Variants in IL1RAPL2 observed in about 807,000 individuals in gnomAD.
The protein encoded by IL1RAPL2 is interleukin 1 receptor accessory protein like 2, also known as X-linked interleukin-1 receptor accessory protein-like 2.
IL1RAPL2 carries 3 observed loss-of-function variants against 44.1 expected under a neutral mutation model. The ratio of observed to expected loss-of-function variants is 0.07; its 90% CI spans 0.03 to 0.18. The LOEUF (loss-of-function observed/expected upper bound fraction) is 0.18, where lower values mean the gene tolerates loss of function less well. Ranked by LOEUF, IL1RAPL2 falls within the 10% of genes least tolerant of loss-of-function variation. The probability of loss-of-function intolerance (pLI) is 1.00; values close to 1 mark genes in which losing one functional copy is unlikely to be tolerated. For missense variants in IL1RAPL2, 391 were observed against 496.4 expected (o/e 0.79, Z 2.02); for synonymous variants, 181 against 178.8 (o/e 1.01, Z -0.10).
At chrX:105,653,978 AACAC>A (rs767662311) in intron 6 of IL1RAPL2, among the ~76,000 whole-genome samples, 9 of 109,648 alleles carry the variant, frequency 8.2e-5, no homozygotes, top group East Asian at 5.9e-4. Flanking sequence ...CACACACACA[AACAC>A]ACACACACAC....
chrX:104,795,092 A>G (rs764376803), intron 2 of IL1RAPL2, among the ~76,000 whole-genome samples: 41 of 111,414 alleles, frequency 3.7e-4, no homozygotes, highest in Non-Finnish European at 6.4e-4. Flanking sequence ...AAAGTGGTTT[A>G]CAGAAGAAGA....
intron 2 of IL1RAPL2, among the ~76,000 whole-genome samples, chrX:104,948,762 T>C (rs1311455807): frequency 9.1e-6 from 1 of 109,559 alleles, no homozygotes; most frequent in Non-Finnish European, 1.9e-5. Flanking sequence ...ATCCCAGGGA[T>C]GAAGCCCACT....
chrX:105,243,196 G>A (rs145414356), intron 4 of IL1RAPL2, among the ~76,000 whole-genome samples: 2,204 of 111,248 alleles, frequency 0.02, 63 homozygotes, highest in African/African-American at 0.069. Flanking sequence ...GGGACCTGGT[G>A]GAAGGTGATT....
Position 104,634,416 on chromosome X carries a change from T to G in IL1RAPL2, c.-19-24479T>G, listed in dbSNP as rs188207181. Among the ~76,000 whole-genome samples the G allele has an allele frequency of 2.6e-3, 289 of 111,465 alleles. 1 individual carries two copies. The highest frequency in any genetic ancestry group is 3.3e-3 in the Non-Finnish European group (177 of 53,044). On this transcript the variant is annotated intron_variant, in intron 1 of 10. Transcript: ENST00000372582. ...GATATCCTTGTTAACTTTCTGTCTC[T>G]TTGATCTGTCTAATGTTGACAGTGG... is the stretch of plus-strand genomic sequence containing the variant.
intron 2 of IL1RAPL2, among the ~76,000 whole-genome samples, chrX:105,185,952 A>G (rs1030170243): frequency 2.1e-4 from 23 of 112,111 alleles, no homozygotes; most frequent in African/African-American, 6.2e-4. Context: ...TCAACTAAGC[A>G]TGGATCAAAA....
At chrX:105,360,018 G>A (rs1298665173) in intron 5 of IL1RAPL2, among the ~76,000 whole-genome samples, 1 of 111,221 alleles carries the variant, frequency 9.0e-6, no homozygotes, top group Non-Finnish European at 1.9e-5. Context: ...ATGATTTTAA[G>A]CACTACATTT....
intron 1 of IL1RAPL2, among the ~76,000 whole-genome samples, chrX:104,590,190 G>A (rs754537878): frequency 1.2e-3 from 134 of 110,909 alleles, no homozygotes; most frequent in African/African-American, 4.1e-3. Flanking sequence ...GATTACAGGC[G>A]TGCGCCACCA....
chrX:105,136,682 T>A (rs147566305), intron 2 of IL1RAPL2, among the ~76,000 whole-genome samples: 66 of 111,988 alleles, frequency 5.9e-4, no homozygotes, highest in African/African-American at 2.0e-3. Context: ...TGACAGGAGG[T>A]TGTAACAACA....
At chrX:105,479,304 T>C (rs2036217722) in intron 5 of IL1RAPL2, among the ~76,000 whole-genome samples, 1 of 111,774 alleles carries the variant, frequency 8.9e-6, no homozygotes, top group Admixed American at 9.6e-5. Flanking sequence ...ATTAAGTAAA[T>C]CATAACTATG....
intron 2 of IL1RAPL2, among the ~76,000 whole-genome samples, chrX:104,941,116 G>A (rs1281255291): frequency 9.1e-6 from 1 of 110,468 alleles, no homozygotes; most frequent in Non-Finnish European, 1.9e-5. Context: ...TGGACATTTG[G>A]GTTGGTTCCA....
intron 2 of IL1RAPL2, among the ~76,000 whole-genome samples, chrX:104,940,904 G>A (rs1925153324): frequency 1.2e-5 from 1 of 81,028 alleles, no homozygotes; most frequent in African/African-American, 5.1e-5. Flanking sequence ...ATGCCCTGGT[G>A]TGTGACGTTC....
chrX:105,242,581 C>T (rs782455072), intron 4 of IL1RAPL2, among the ~76,000 whole-genome samples: 15 of 111,569 alleles, frequency 1.3e-4, no homozygotes, highest in African/African-American at 4.9e-4. Flanking sequence ...ATTTGTATTT[C>T]TAAAGGGACA....
At chrX:105,116,232 AGCAAGGGCT>A (rs1268913350) in intron 2 of IL1RAPL2, among the ~76,000 whole-genome samples, 1 of 112,581 alleles carries the variant, frequency 8.9e-6, no homozygotes, top group African/African-American at 3.2e-5. Flanking sequence ...ACCGAGAGTG[AGCAAGGGCT>A]GCAAGGGCTG....
intron 6 of IL1RAPL2, among the ~76,000 whole-genome samples, chrX:105,495,007 G>A (rs372357391): frequency 4.1e-4 from 46 of 111,935 alleles, no homozygotes; most frequent in African/African-American, 1.3e-3. Context: ...AAGAAGTCAC[G>A]TCAGAAAAAA....
chrX:105,200,477 A>T (rs113258687), intron 3 of IL1RAPL2, among the ~76,000 whole-genome samples: 8 of 112,438 alleles, frequency 7.1e-5, no homozygotes, highest in Middle Eastern at 4.6e-3. Context: ...GCATGAATTA[A>T]TAGGATAAAA....
chrX:105,742,644 G>A (rs2038510333), intron 8 of IL1RAPL2, among the ~76,000 whole-genome samples: 1 of 111,013 alleles, frequency 9.0e-6, no homozygotes. Context: ...AAATATTGGA[G>A]TTCCCCAGGG....
intron 5 of IL1RAPL2, among the ~76,000 whole-genome samples, chrX:105,372,148 C>G (rs2035345896): frequency 9.0e-6 from 1 of 111,208 alleles, no homozygotes. Context: ...TTAAAAAGGT[C>G]TTTTAGGTTA....
chrX:105,102,599 T>G (rs2032684429), intron 2 of IL1RAPL2, among the ~76,000 whole-genome samples: 2 of 111,740 alleles, frequency 1.8e-5, no homozygotes, highest in Non-Finnish European at 3.8e-5. Context: ...TGAACATGAA[T>G]GTATGTTTCA....
At chrX:104,728,348 T>C (rs1315998264) in intron 2 of IL1RAPL2, among the ~76,000 whole-genome samples, 1 of 111,207 alleles carries the variant, frequency 9.0e-6, no homozygotes, top group Non-Finnish European at 1.9e-5. Flanking sequence ...CATGAAGCAA[T>C]GGTGAACAGT....
Sources: gnomAD v4.1 joint callset for allele counts (sites outside exome capture counted in the v4.1 genomes callset) on GRCh38, gnomAD v4.1.1 for gene constraint, MANE v1.5 for transcripts, NCBI Gene and HGNC (gene_info 2026-07-23, HGNC 2026-07-21) for gene names.